Variants in ZNF691 observed in about 807,000 individuals in gnomAD.
The protein encoded by ZNF691 is zinc finger protein 691.
A neutral mutation model predicts 24.1 loss-of-function variants in ZNF691; 11 were observed. That is an observed-to-expected ratio of 0.46 (90% CI 0.29 to 0.75). The LOEUF (loss-of-function observed/expected upper bound fraction) is 0.75. Ranked by LOEUF, ZNF691 falls within the 30% of genes least tolerant of loss-of-function variation. The pLI is 0.11. For synonymous variants in ZNF691, 149 were observed against 153.9 expected (o/e 0.97, Z 0.23); for missense variants, 356 against 409.0 (o/e 0.87, Z 1.12).
rs1301813286 is a variant in ZNF691 at position 42,849,683 on chromosome 1, T to G, written c.25T>G (p.Ser9Ala). The G allele has an allele frequency of 6.4e-7, 1 of 1,551,144 alleles. No individual in the cohort carries two copies. The highest frequency in any genetic ancestry group is 8.7e-7 in the Non-Finnish European group (1 of 1,147,132). The change falls in exon 3 of 4, where the codon TCT becomes GCT. Residue 9 changes from serine to alanine, a missense_variant. Ser to Ala is a moderately conservative substitution (Grantham distance 99). Coordinates refer to ENST00000651192, the MANE Select transcript of ZNF691 (RefSeq NM_001242739.2). ...CATGTCACTCTGTTCACCAACCCACTCTGCTGAAATGTCGTTATTTCTTCA... is the reference window on the plus strand; with the variant it reads ...CATGTCACTCTGTTCACCAACCCACGCTGCTGAAATGTCGTTATTTCTTCA... MSLCSPTH[S>A]AEMSLFLQGP...
intron 1 of ZNF691, 79 bp from the exon 2 acceptor site, chr1:42,849,212 C>G: frequency 2.9e-6 from 1 of 350,534 alleles, no homozygotes; most frequent in Non-Finnish European, 5.5e-6. Flanking sequence ...AGGTTATATA[C>G]AGTTTTATGC....
At chr1:42,847,392 C>G (rs1333231225) in intron 1 of ZNF691, among the ~76,000 whole-genome samples, 1 of 152,176 alleles carries the variant, frequency 6.6e-6, no homozygotes, top group Non-Finnish European at 1.5e-5. Flanking sequence ...GCCCCTCCTC[C>G]ACTTCTCAGC....
At chr1:42,850,866 T>C (rs1655366065) in intron 3 of ZNF691, 84 bp from the exon 4 acceptor site, 1 of 1,568,888 alleles carries the variant, frequency 6.4e-7, no homozygotes, top group African/African-American at 1.4e-5. Context: ...GGAAGGTGTA[T>C]ACCCTTCAAA....
At chr1:42,850,330 C>T in intron 3 of ZNF691, 1 of 815,594 alleles carries the variant, frequency 1.2e-6, no homozygotes, top group Non-Finnish European at 1.5e-6. Flanking sequence ...GCCCAGGCCC[C>T]ACAGTAGGTC....
chr1:42,850,774 G>T, intron 3 of ZNF691, 176 bp from the exon 4 acceptor site: 1 of 1,550,108 alleles, frequency 6.5e-7, no homozygotes, highest in Non-Finnish European at 8.7e-7. Flanking sequence ...CTGAAAGTTT[G>T]TCACTTAAAA....
chr1:42,851,051 T>C lies in ZNF691; in HGVS notation c.186T>C (p.Ser62=). Residue 62 remains serine, a synonymous_variant, in exon 4 of 4, where the codon TCT becomes TCC. Transcript: ENST00000651192. This position sits in a 1 kb window ranked among gnomAD's most constrained non-coding sequence, Gnocchi z 4.7. Reference sequence around the variant, plus strand: ...GGAGAGTGGATGACTCAGAGGGTTCTTGGATCCCACCTGGGGAGAAGGAGC... The same window carrying C: ...GGAGAGTGGATGACTCAGAGGGTTCCTGGATCCCACCTGGGGAGAAGGAGC... ...KPWRVDDSEG[S]WIPPGEKEHG... 6.3e-7 allele frequency: 1 copy of C among 1,591,252 alleles called. No homozygotes were observed. Among genetic ancestry groups the C allele is most frequent in the Non-Finnish European group, 8.6e-7 (1 of 1,169,352 alleles).
At position 42,851,164 on chromosome 1, in the gene ZNF691, G is replaced by A. The variant is rs1310112468; in HGVS notation, c.299G>A (p.Gly100Glu). 1.2e-6 allele frequency: 2 copies of A among 1,614,194 alleles called. No individual in the cohort carries two copies. The highest frequency in any genetic ancestry group is 2.2e-5 in the South Asian group (2 of 91,088). ...QKVTVRAREL[G>E]DPIAHPRHEA... Reference sequence around the variant, plus strand: ...GTCACTGTCCGGGCTCGAGAGCTAGGGGACCCCATTGCTCATCCAAGGCAT... The same window carrying A: ...GTCACTGTCCGGGCTCGAGAGCTAGAGGACCCCATTGCTCATCCAAGGCAT... Residue 100 changes from glycine to glutamate, a missense_variant, in exon 4 of 4, where the codon GGG becomes GAG. Coordinates refer to ENST00000651192, the MANE Select transcript of ZNF691 (RefSeq NM_001242739.2). The surrounding 1 kb of genome is among the most constrained non-coding windows in gnomAD (Gnocchi z 4.7).
In ZNF691 at chr1:42,849,685, T is replaced by C. The variant is rs1163245780; in HGVS notation, c.27T>C (p.Ser9=). MSLCSPTH[S]AEMSLFLQGP... Reference sequence around the variant, plus strand: ...TGTCACTCTGTTCACCAACCCACTCTGCTGAAATGTCGTTATTTCTTCAAG... The same window carrying C: ...TGTCACTCTGTTCACCAACCCACTCCGCTGAAATGTCGTTATTTCTTCAAG... Residue 9 remains serine, a synonymous_variant, in exon 3 of 4, where the codon TCT becomes TCC. Transcript: ENST00000651192. 3.9e-6 allele frequency: 6 copies of C among 1,551,154 alleles called. No homozygotes were observed. Among genetic ancestry groups the C allele is most frequent in the East Asian group, 2.4e-5 (1 of 40,940 alleles).
At position 42,849,551 on chromosome 1, in the gene ZNF691, TTTC is replaced by T. The variant is rs1298353789; in HGVS notation, c.-94-11_-94-9del. 23 of 900,444 alleles carry T rather than the reference TTTC, an allele frequency of 2.6e-5. No homozygotes were observed. The highest frequency in any genetic ancestry group is 4.1e-5 in the Non-Finnish European group (23 of 555,934). 55.8% of individuals were successfully genotyped at this position (900,444 alleles called of 1,614,324 possible). On this transcript the variant is annotated splice_polypyrimidine_tract_variant and intron_variant, in intron 2 of 3. Transcript: ENST00000651192. ...TCAGTACCCCTTTCTTTATTCTGTG[TTTC>T]TTTTTTCCAGAAATACTTGCAGACT... is the stretch of plus-strand genomic sequence containing the variant.
chr1:42,849,239 G>A (rs1655314372), intron 1 of ZNF691, 52 bp from the exon 2 acceptor site: 1 of 368,954 alleles, frequency 2.7e-6, no homozygotes, highest in Admixed American at 4.0e-5. Context: ...TAAGTTAAAA[G>A]TTTTTTCTTA....
At chr1:42,849,495 T>C in intron 2 of ZNF691, 70 bp from the exon 3 acceptor site, 1 of 705,006 alleles carries the variant, frequency 1.4e-6, no homozygotes, top group South Asian at 1.5e-5. Flanking sequence ...AGATAGTATG[T>C]GTCACAGTTG....
In ZNF691 at chr1:42,851,677, G is replaced by A. The variant is rs1268520562; in HGVS notation, c.812G>A (p.Gly271Glu). 5 of 1,614,206 alleles carry A rather than the reference G, an allele frequency of 3.1e-6. No individual in the cohort carries two copies. The South Asian group carries it at 4.4e-5, about 14-fold the overall frequency. ...ACCTTCAGCGATATCTCCAACTTTG[G>A]AGCACACCAGCGGACCCACAGAGGG... The part of the protein sequence containing the change: ...GRTFSDISNF[G>E]AHQRTHRGEK... The change falls in exon 4 of 4, where the codon GGA becomes GAA. Residue 271 changes from glycine to glutamate, a missense_variant. Transcript: ENST00000651192. This position sits in a 1 kb window ranked among gnomAD's most constrained non-coding sequence, Gnocchi z 4.7.
In ZNF691 at chr1:42,851,757, C is replaced by A. The variant is rs749611105; in HGVS notation, c.892C>A (p.Leu298Ile). 1 of 1,614,224 alleles carries A rather than the reference C, an allele frequency of 6.2e-7. No homozygotes were observed. Among genetic ancestry groups the A allele is most frequent in the Admixed American group, 1.7e-5 (1 of 60,032 alleles). ...CGKHFSRSSN[L>I]IRHQKTHLGE... ...GAAACACTTCTCCCGGAGCTCGAAT[C>A]TCATCCGCCACCAGAAAACTCACTT... Residue 298 changes from leucine (L) to isoleucine (I), a missense_variant, in exon 4 of 4, where the codon CTC (leucine) becomes ATC (isoleucine). By Grantham distance (5) the Leu-to-Ile change is conservative (BLOSUM62 2). Coordinates refer to ENST00000651192, the MANE Select transcript of ZNF691 (RefSeq NM_001242739.2). This position sits in a 1 kb window ranked among gnomAD's most constrained non-coding sequence, Gnocchi z 4.7.
chr1:42,849,877 T>G (rs1175794043), intron 3 of ZNF691, 135 bp downstream of exon 3: 1 of 741,882 alleles, frequency 1.3e-6, no homozygotes, highest in Non-Finnish European at 2.3e-6. Flanking sequence ...AGTTTTGGGG[T>G]GGGGTGTGGG....
chr1:42,851,716 G>A lies in ZNF691; in HGVS notation c.851G>A (p.Arg284Gln), dbSNP rs1364621347. 7 of 1,614,202 alleles carry A rather than the reference G, an allele frequency of 4.3e-6. No individual in the cohort carries two copies. The highest frequency in any genetic ancestry group is 1.3e-5 in the African/African-American group (1 of 75,058). ...QRTHRGEKPY[R>Q]CTVCGKHFSR... ...ACCCACAGAGGGGAGAAGCCCTACC[G>A]GTGCACTGTGTGTGGGAAACACTTC... Residue 284 changes from arginine to glutamine, a missense_variant, in exon 4 of 4, where the codon CGG becomes CAG. Arg to Gln is a conservative substitution (Grantham distance 43). Coordinates refer to ENST00000651192, the MANE Select transcript of ZNF691 (RefSeq NM_001242739.2). This position sits in a 1 kb window ranked among gnomAD's most constrained non-coding sequence, Gnocchi z 4.7.
Position 42,848,139 on chromosome 1 carries a change from C to T in ZNF691, c.-217-1152C>T, listed in dbSNP as rs116673842. On this transcript the variant is annotated intron_variant, in intron 1 of 3. Coordinates refer to ENST00000651192, the MANE Select transcript of ZNF691 (RefSeq NM_001242739.2). ...TCCTTTTGCTCTTACATTGACCTAG[C>T]ATCCAGCCCCGGGTAGAGCTGGAAC... Among the ~76,000 whole-genome samples, 960 of 152,300 alleles carry T rather than the reference C, an allele frequency of 6.3e-3. 12 individuals are homozygous for T. The highest frequency in any genetic ancestry group is 0.022 in the African/African-American group (912 of 41,554).
At chr1:42,848,811 GATTTTA>G (rs1411278963) in intron 1 of ZNF691, among the ~76,000 whole-genome samples, 4 of 152,140 alleles carry the variant, frequency 2.6e-5, no homozygotes, top group Admixed American at 1.3e-4. Context: ...GTGTGGGAGT[GATTTTA>G]ATTTTTTAAA....
Position 42,851,209 on chromosome 1 carries a change from T to G in ZNF691, c.344T>G (p.Phe115Cys). Residue 115 changes from phenylalanine to cysteine, a missense_variant, in exon 4 of 4, where the codon TTT (phenylalanine) becomes TGT (cysteine). Transcript: ENST00000651192. The surrounding 1 kb of genome is among the most constrained non-coding windows in gnomAD (Gnocchi z 4.7). ...AGGCATGAGGCAGATGAGAAGCCCT[T>G]TATATGTGCCCAGTGTGGCAAAACC... ...HPRHEADEKP[F>C]ICAQCGKTFN... The G allele has an allele frequency of 6.2e-7, 1 of 1,614,120 alleles. No homozygotes were observed. Among genetic ancestry groups the G allele is most frequent in the Non-Finnish European group, 8.5e-7 (1 of 1,180,008 alleles).
In ZNF691 at chr1:42,852,087, T is replaced by C. The variant is rs1303152279; in HGVS notation, c.*274T>C. On this transcript the variant is annotated 3_prime_UTR_variant, in exon 4 of 4. Coordinates refer to ENST00000651192, the MANE Select transcript of ZNF691 (RefSeq NM_001242739.2). ...TTCTTGGGGTGAAAGAGAAATAGGG[T>C]AGGCTCAGAACATGCTCATGTTATT... is the stretch of plus-strand genomic sequence containing the variant. 5 of 579,096 alleles carry C rather than the reference T, an allele frequency of 8.6e-6. No individual in the cohort carries two copies. The highest frequency in any genetic ancestry group is 1.6e-5 in the Non-Finnish European group (5 of 310,862). The allele number at this position is 579,096 out of a possible 1,614,324, so 35.9% of individuals were successfully genotyped here. A position where few individuals can be genotyped will look rare whatever the true frequency, so the allele number is the denominator to read the frequency against.
Sources: allele counts gnomAD v4.1 joint callset (sites outside exome capture counted in the v4.1 genomes callset), GRCh38; gene constraint gnomAD v4.1.1; non-coding constraint Gnocchi (gnomAD v3.1); transcripts MANE v1.5; gene names NCBI Gene and HGNC (gene_info 2026-07-23, HGNC 2026-07-21).